RNF150: variants seen among roughly 807,000 people sequenced by gnomAD.
RNF150 encodes the protein ring finger protein 150.
Under a neutral mutation model 39.3 loss-of-function variants are expected in RNF150, and 24 were observed. The ratio of observed to expected loss-of-function variants is 0.61; its 90% CI spans 0.44 to 0.86. The LOEUF is 0.86. Among genes scored for constraint, RNF150 ranks in the 40% least tolerant of loss-of-function variants. The pLI is 0.00. For missense variants in RNF150, 502 were observed against 587.8 expected, an observed-to-expected ratio of 0.85 and a Z score of 1.51; for synonymous variants, 255 against 227.3, an observed-to-expected ratio of 1.12 and a Z score of -1.10.
intron 1 of RNF150, among the ~76,000 whole-genome samples, chr4:141,150,483 C>T (rs1727278044): frequency 6.6e-6 from 1 of 152,198 alleles, no homozygotes; most frequent in African/African-American, 2.4e-5. Context: ...CTTTAGTCTA[C>T]CCTGGCCTCC....
chr4:141,194,321 G>A (rs1024336554), intron 1 of RNF150, among the ~76,000 whole-genome samples: 8 of 152,158 alleles, frequency 5.3e-5, no homozygotes, highest in Non-Finnish European at 5.9e-5. Context: ...TGTAGCTAAG[G>A]ACAAAGGATT....
chr4:141,151,409 G>GAC lies in RNF150; in HGVS notation c.-6+61383_-6+61384dup, dbSNP rs869289733. 1.5e-3 allele frequency among the ~76,000 whole-genome samples: 189 copies of GAC among 121,986 alleles called. 1 individual carries two copies. The highest frequency in any genetic ancestry group is 5.2e-3 in the African/African-American group (180 of 34,378). The allele number at this position is 121,986 out of a possible 152,430, so 80.0% of individuals were successfully genotyped here. On this transcript the variant is annotated intron_variant, in intron 1 of 7. Transcript: ENST00000420921. ...AATGTAGTGAAACCCCATCTCTACA[G>GAC]ACACACACACACACACACACACACA...
At chr4:140,944,014 G>A (rs1732191282) in intron 4 of RNF150, among the ~76,000 whole-genome samples, 1 of 152,112 alleles carries the variant, frequency 6.6e-6, no homozygotes, top group Non-Finnish European at 1.5e-5. Flanking sequence ...CCTGCCTAAG[G>A]AATTCATATT....
intron 1 of RNF150, among the ~76,000 whole-genome samples, chr4:140,981,650 G>A (rs1316814802): frequency 2.0e-5 from 3 of 152,148 alleles, no homozygotes; most frequent in Non-Finnish European, 2.9e-5. Context: ...AGCATCACTA[G>A]GTGCCTGTAT....
intron 1 of RNF150, among the ~76,000 whole-genome samples, chr4:141,117,840 A>T (rs1726478752): frequency 6.6e-6 from 1 of 152,216 alleles, no homozygotes; most frequent in Non-Finnish European, 1.5e-5. Context: ...CATCCAACAA[A>T]GATTTGCTGA....
At chr4:140,920,630 G>T (rs192476892) in intron 5 of RNF150, among the ~76,000 whole-genome samples, 4 of 149,028 alleles carry the variant, frequency 2.7e-5, no homozygotes, top group Non-Finnish European at 4.5e-5. Flanking sequence ...TCGGTGTGGC[G>T]ATTCCTCAGG....
intron 1 of RNF150, among the ~76,000 whole-genome samples, chr4:141,171,362 G>C (rs543891798): frequency 5.9e-5 from 9 of 152,118 alleles, no homozygotes; most frequent in African/African-American, 1.9e-4. Flanking sequence ...GGACCCAATA[G>C]GGGATTCTCT....
chr4:140,880,089 A>T (rs946544599), intron 6 of RNF150, among the ~76,000 whole-genome samples: 2 of 113,076 alleles, frequency 1.8e-5, no homozygotes, highest in African/African-American at 3.3e-5. Flanking sequence ...ATCTTGGAAG[A>T]AAGCTTTCAG....
intron 1 of RNF150, among the ~76,000 whole-genome samples, chr4:141,129,145 C>CA (rs1330845514): frequency 6.6e-6 from 1 of 152,118 alleles, no homozygotes; most frequent in Admixed American, 6.5e-5. Flanking sequence ...AATGTCCATA[C>CA]AAAAACTTGT....
chr4:141,019,458 G>A (rs1448180225), intron 1 of RNF150, among the ~76,000 whole-genome samples: 2 of 151,964 alleles, frequency 1.3e-5, no homozygotes, highest in African/African-American at 4.8e-5. Context: ...TATTAGATGG[G>A]GAAAATAATC....
intron 6 of RNF150, among the ~76,000 whole-genome samples, chr4:140,871,612 G>A (rs1463070604): frequency 2.0e-5 from 3 of 151,918 alleles, no homozygotes; most frequent in Non-Finnish European, 4.4e-5. Context: ...ATAATGGAAT[G>A]AATTTATGAC....
chr4:141,078,428 G>A (rs10026600), intron 1 of RNF150, among the ~76,000 whole-genome samples: 19,050 of 152,030 alleles, frequency 0.13, 1,535 homozygotes, highest in South Asian at 0.28. Context: ...TGTATCCCAT[G>A]TTAATCTATT....
intron 5 of RNF150, among the ~76,000 whole-genome samples, chr4:140,919,409 CA>C (rs2111299962): frequency 7.3e-6 from 1 of 136,184 alleles, no homozygotes; most frequent in Non-Finnish European, 1.6e-5. Flanking sequence ...AACAGAGAGC[CA>C]AATCATGAGT....
intron 1 of RNF150, among the ~76,000 whole-genome samples, chr4:141,090,744 C>A (rs148189740): frequency 6.6e-6 from 1 of 152,136 alleles, no homozygotes. Context: ...TATCTTTAGA[C>A]GGAGCAGCTG....
chr4:140,940,785 TA>T, intron 4 of RNF150, among the ~76,000 whole-genome samples: 1 of 152,330 alleles, frequency 6.6e-6, no homozygotes, highest in Middle Eastern at 3.4e-3. Context: ...AGCATCTGCT[TA>T]AGAATGGGTA....
At chr4:140,922,418 G>T (rs7441733) in intron 5 of RNF150, among the ~76,000 whole-genome samples, 78,102 of 144,480 alleles carry the variant, frequency 0.54, 21,675 homozygotes, top group East Asian at 0.89. Context: ...ATACGGGACG[G>T]GAAGGACCTC....
intron 1 of RNF150, among the ~76,000 whole-genome samples, chr4:141,107,068 A>G (rs917629866): frequency 2.0e-5 from 3 of 152,184 alleles, no homozygotes; most frequent in African/African-American, 7.2e-5. Context: ...AAACACAATG[A>G]AAAATAAACA....
rs181539977 is a variant in RNF150 at position 141,009,464 on chromosome 4, T to A, written c.485-41591A>T. Among the ~76,000 whole-genome samples, 54 of 152,306 alleles carry A rather than the reference T, an allele frequency of 3.5e-4. No individual in the cohort carries two copies. In the East Asian group the frequency reaches 0.01, roughly 28 times the overall value. Reference sequence around the variant, plus strand: ...TGGACAAAATGATTAGTGTGTGTTGTCTCCATCTTGTGTATTATTTTCATC... The same window carrying A: ...TGGACAAAATGATTAGTGTGTGTTGACTCCATCTTGTGTATTATTTTCATC... On this transcript the variant is annotated intron_variant, in intron 1 of 6. Coordinates refer to ENST00000515673, the MANE Select transcript of RNF150 (RefSeq NM_020724.2).
chr4:141,053,781 T>A, intron 1 of RNF150: 1 of 1,013,048 alleles, frequency 9.9e-7, no homozygotes, highest in Non-Finnish European at 1.3e-6. Flanking sequence ...GTGATCCAGC[T>A]TCATTTCCTC....
Sources: allele counts gnomAD v4.1 joint callset (sites outside exome capture counted in the v4.1 genomes callset), GRCh38; gene constraint gnomAD v4.1.1; transcripts MANE v1.5; gene names NCBI Gene and HGNC (gene_info 2026-07-23, HGNC 2026-07-21).